The following AQR variants were observed in gnomAD, a reference collection of about 807,000 sequenced individuals.
AQR encodes RNA helicase aquarius.
In AQR, 61 loss-of-function variants were observed where a neutral mutation model predicts 180.5. The ratio of observed to expected loss-of-function variants is 0.34; its 90% CI spans 0.28 to 0.42. AQR has a LOEUF of 0.42. Ranked by LOEUF, AQR falls within the 10% of genes least tolerant of loss-of-function variation. The probability of loss-of-function intolerance (pLI) is 1.00; values close to 1 mark genes in which losing one functional copy is unlikely to be tolerated. For missense variants in AQR, 1,281 were observed against 1,798.3 expected (o/e 0.71, Z 5.20); for synonymous variants, 551 against 588.8 (o/e 0.94, Z 0.93).
intron 10 of AQR, among the ~76,000 whole-genome samples, chr15:34,932,726 G>T (rs149935841): frequency 3.9e-5 from 6 of 152,106 alleles, no homozygotes; most frequent in African/African-American, 7.2e-5. Context: ...TTGGCGTGGC[G>T]GGTGGATCAC....
At position 34,910,169 on chromosome 15, in the gene AQR, G is replaced by C. The variant is rs748363880; in HGVS notation, c.1629C>G (p.Leu543=). The change falls in exon 17 of 35, where the codon CTC becomes CTG. Residue 543 remains leucine (L), a synonymous_variant. Coordinates refer to ENST00000156471, the MANE Select transcript of AQR (RefSeq NM_014691.3). ...CATCTTTGATGTGATCTCTGACATTGAGATTTATGGTAACATCTGCACGAA... is the reference window on the plus strand; with the variant it reads ...CATCTTTGATGTGATCTCTGACATTCAGATTTATGGTAACATCTGCACGAA... ...TRVRADVTIN[L]NVRDHIKDEW... 6.2e-7 allele frequency: 1 copy of C among 1,614,170 alleles called. No individual in the cohort carries two copies. The highest frequency in any genetic ancestry group is 8.5e-7 in the Non-Finnish European group (1 of 1,180,024).
chr15:34,948,004 AT>A lies in AQR; in HGVS notation c.330+259del, dbSNP rs150543737. On this transcript the variant is annotated intron_variant, in intron 5 of 34. Coordinates refer to ENST00000156471, the MANE Select transcript of AQR (RefSeq NM_014691.3). The stretch of plus-strand genomic sequence containing the variant: ...GATGTAAGTTGTTATAACATATACC[AT>A]TCTTTGTTTCAAACACAAAGCAGAA... 262 of 333,298 alleles carry A rather than the reference AT, an allele frequency of 7.9e-4. 3 individuals carry two copies. The East Asian group carries it at 0.016, about 20-fold the overall frequency. The allele number at this position is 333,298 out of a possible 1,614,324, so 20.6% of individuals were successfully genotyped here. A position where few individuals can be genotyped will look rare whatever the true frequency, so the allele number is the denominator to read the frequency against.
intron 6 of AQR, chr15:34,943,470 A>T: frequency 2.0e-6 from 1 of 505,808 alleles, no homozygotes; most frequent in Non-Finnish European, 3.1e-6. Context: ...TAAATAAATA[A>T]ATAAATAAAT....
In AQR at chr15:34,862,467, T is replaced by C. The variant is rs576059093; in HGVS notation, c.4029+400A>G. Among the ~76,000 whole-genome samples, 4 of 152,290 alleles carry C rather than the reference T, an allele frequency of 2.6e-5. No homozygotes were observed. In the South Asian group the frequency reaches 8.3e-4, roughly 32 times the overall value. On this transcript the variant is annotated intron_variant, in intron 33 of 34. Coordinates refer to ENST00000156471, the MANE Select transcript of AQR (RefSeq NM_014691.3). Reference sequence around the variant, plus strand: ...TAATCTAATAACCTAATAGGCTGTTTTTACTGAGATGAAAATGAGATAATG... The same window carrying C: ...TAATCTAATAACCTAATAGGCTGTTCTTACTGAGATGAAAATGAGATAATG...
chr15:34,931,444 T>C (rs1167807534), intron 11 of AQR, among the ~76,000 whole-genome samples: 3 of 152,182 alleles, frequency 2.0e-5, no homozygotes, highest in Non-Finnish European at 2.9e-5. Context: ...AAAGGGGATA[T>C]GTAAACACAT....
At chr15:34,897,028 T>TA (rs972768949) in intron 21 of AQR, 62 bp from the exon 22 acceptor site, 1 of 1,333,608 alleles carries the variant, frequency 7.5e-7, no homozygotes, top group Admixed American at 1.8e-5. Flanking sequence ...AATACAAATT[T>TA]AGACAACAAT....
chr15:34,959,308 A>G (rs1894380942), intron 3 of AQR, among the ~76,000 whole-genome samples: 1 of 152,092 alleles, frequency 6.6e-6, no homozygotes, highest in African/African-American at 2.4e-5. Flanking sequence ...GACTACAGCC[A>G]TACGCCACCA....
chr15:34,961,190 T>A (rs912635510), intron 2 of AQR, among the ~76,000 whole-genome samples: 1 of 152,082 alleles, frequency 6.6e-6, no homozygotes, highest in African/African-American at 2.4e-5. Flanking sequence ...GAGAAAATAA[T>A]TTAAAAGTGT....
intron 7 of AQR, among the ~76,000 whole-genome samples, chr15:34,941,392 T>C (rs912383542): frequency 1.3e-5 from 2 of 152,146 alleles, no homozygotes; most frequent in Non-Finnish European, 2.9e-5. Context: ...ATCAGCATAT[T>C]CTCTCTTATA....
chr15:34,882,377 G>A, intron 27 of AQR, 125 bp downstream of exon 27: 1 of 1,055,670 alleles, frequency 9.5e-7, no homozygotes, highest in Non-Finnish European at 1.3e-6. Flanking sequence ...ATGTAAACAA[G>A]GGATATTATC....
In AQR at chr15:34,920,644, CA is replaced by C. The variant is rs1488141034; in HGVS notation, c.1119-211del. The stretch of plus-strand genomic sequence containing the variant: ...TCATTGTACCCAAGATCCTTCTGGG[CA>C]GTCCCCAAGAACACTTTTAAATATT... On this transcript the variant is annotated intron_variant, in intron 13 of 34. Transcript: ENST00000156471. Among the ~76,000 whole-genome samples, 4 of 152,240 alleles carry C rather than the reference CA, an allele frequency of 2.6e-5. No homozygotes were observed. In the East Asian group the frequency reaches 7.7e-4, roughly 29 times the overall value.
Position 34,906,330 on chromosome 15 carries a change from C to G in AQR, c.1831+215G>C, listed in dbSNP as rs566648605. 9.2e-5 allele frequency among the ~76,000 whole-genome samples: 14 copies of G among 152,268 alleles called. No homozygotes were observed. In the East Asian group the frequency reaches 2.3e-3, roughly 25 times the overall value. On this transcript the variant is annotated intron_variant, in intron 18 of 34. Coordinates refer to ENST00000156471, the MANE Select transcript of AQR (RefSeq NM_014691.3). ...AGGTTGCAGTGAGCCGAGATTGTGC[C>G]ACTGAACTCCAGCCTGTGTGACACA...
At chr15:34,932,836 TC>T (rs1373064643) in intron 10 of AQR, among the ~76,000 whole-genome samples, 1 of 152,104 alleles carries the variant, frequency 6.6e-6, no homozygotes, top group South Asian at 2.1e-4. Context: ...GCGCCTGTAA[TC>T]CCAGCTACTC....
intron 22 of AQR, among the ~76,000 whole-genome samples, chr15:34,894,818 T>G (rs1893206945): frequency 6.6e-6 from 1 of 151,822 alleles, no homozygotes; most frequent in Non-Finnish European, 1.5e-5. Flanking sequence ...TTAAATATAT[T>G]GCAAATCCCT....
intron 13 of AQR, among the ~76,000 whole-genome samples, chr15:34,923,283 A>G (rs184354817): frequency 5.1e-4 from 77 of 152,218 alleles, no homozygotes; most frequent in Non-Finnish European, 1.6e-4. Flanking sequence ...GGGTTCTGGA[A>G]CACATCCCCT....
At chr15:34,967,728 G>T (rs1036723948) in intron 1 of AQR, among the ~76,000 whole-genome samples, 2 of 152,292 alleles carry the variant, frequency 1.3e-5, no homozygotes, top group Admixed American at 1.3e-4. Flanking sequence ...GGAAACTGAA[G>T]ATATAAGCAC....
chr15:34,863,902 C>T (rs1892706344), intron 32 of AQR, among the ~76,000 whole-genome samples: 1 of 152,016 alleles, frequency 6.6e-6, no homozygotes, highest in Non-Finnish European at 1.5e-5. Context: ...AGATTTTTTA[C>T]CTGAGATGTT....
At position 34,890,212 on chromosome 15, in the gene AQR, C is replaced by T; in HGVS notation, c.2681+3G>A. 6.2e-7 allele frequency: 1 copy of T among 1,610,158 alleles called. No individual in the cohort carries two copies. Among genetic ancestry groups the T allele is most frequent in the Admixed American group, 1.7e-5 (1 of 59,130 alleles). ...ACACTGTTACTCACTCCCATTTGCTCACCTGCTGAAATCTTTCTCTGTCTC... is the reference window on the plus strand; with the variant it reads ...ACACTGTTACTCACTCCCATTTGCTTACCTGCTGAAATCTTTCTCTGTCTC... On this transcript the variant is annotated splice_donor_region_variant and intron_variant, in intron 24 of 34. Coordinates refer to ENST00000156471, the MANE Select transcript of AQR (RefSeq NM_014691.3).
intron 16 of AQR, among the ~76,000 whole-genome samples, chr15:34,913,550 C>T (rs1422478718): frequency 1.3e-5 from 2 of 152,210 alleles, no homozygotes; most frequent in East Asian, 3.9e-4. Flanking sequence ...ACATTTTCTT[C>T]CCCAGCCAGA....
Sources: gnomAD v4.1 joint callset for allele counts (sites outside exome capture counted in the v4.1 genomes callset) on GRCh38, gnomAD v4.1.1 for gene constraint, MANE v1.5 for transcripts, NCBI Gene and HGNC (gene_info 2026-07-23, HGNC 2026-07-21) for gene names.